Variants in PCBP3 observed in about 807,000 individuals in gnomAD.
PCBP3 encodes poly(rC)-binding protein 3.
PCBP3 carries 25 observed loss-of-function variants against 52.7 expected under a neutral mutation model. That is an observed-to-expected ratio of 0.47 (90% CI 0.35 to 0.66). The LOEUF (loss-of-function observed/expected upper bound fraction) is 0.66, where lower values mean the gene tolerates loss of function less well. Among genes scored for constraint, PCBP3 ranks in the 30% least tolerant of loss-of-function variants. PCBP3 has a pLI of 0.01. For synonymous variants in PCBP3, 162 were observed against 183.0 expected, an observed-to-expected ratio of 0.89 and a Z score of 0.93; for missense variants, 391 against 490.3, an observed-to-expected ratio of 0.80 and a Z score of 1.91.
intron 4 of PCBP3, among the ~76,000 whole-genome samples, chr21:45,794,793 G>C (rs958480798): frequency 3.3e-5 from 5 of 152,268 alleles, no homozygotes; most frequent in African/African-American, 1.2e-4. Context: ...GCCGGGCGTG[G>C]TGGCAGGTGC....
intron 3 of PCBP3, among the ~76,000 whole-genome samples, chr21:45,746,918 C>A (rs2086931981): frequency 9.2e-6 from 1 of 108,722 alleles, no homozygotes; most frequent in Admixed American, 9.1e-5. Flanking sequence ...GTTGTGTCAG[C>A]ATCGCCGTGT....
At chr21:45,887,132 A>G (rs1483984902) in intron 5 of PCBP3, among the ~76,000 whole-genome samples, 2 of 152,042 alleles carry the variant, frequency 1.3e-5, no homozygotes, top group Non-Finnish European at 2.9e-5. Flanking sequence ...AGTCTGAGAG[A>G]CATAGAGAAA....
At chr21:45,909,985 G>GGACCCCCCCACACACACTTCCCAGATACA in intron 10 of PCBP3, among the ~76,000 whole-genome samples, 1 of 67,620 alleles carries the variant, frequency 1.5e-5, no homozygotes, top group Non-Finnish European at 2.7e-5. Context: ...TCCCAGATAC[G>GGACCCCCCCACACACACTTCCCAGATACA]GACCCCCCTC....
chr21:45,923,472 C>T (rs1034788005), intron 13 of PCBP3, among the ~76,000 whole-genome samples: 12 of 152,220 alleles, frequency 7.9e-5, no homozygotes, highest in Non-Finnish European at 1.6e-4. Flanking sequence ...GCTTGGAACA[C>T]CGCACCCTCT....
At chr21:45,783,208 C>T (rs1036845098) in intron 4 of PCBP3, among the ~76,000 whole-genome samples, 12 of 152,076 alleles carry the variant, frequency 7.9e-5, no homozygotes, top group African/African-American at 1.9e-4. Context: ...ATTTACAATC[C>T]GTCACTAATG....
chr21:45,925,849 A>G (rs554661784), intron 13 of PCBP3, among the ~76,000 whole-genome samples: 1 of 152,390 alleles, frequency 6.6e-6, no homozygotes, highest in African/African-American at 2.4e-5. Flanking sequence ...ATAATTTGAC[A>G]GACATTATAG....
intron 2 of PCBP3, among the ~76,000 whole-genome samples, chr21:45,688,036 C>G (rs1230249033): frequency 6.6e-6 from 1 of 152,148 alleles, no homozygotes; most frequent in Non-Finnish European, 1.5e-5. Context: ...TGGTCAAAGA[C>G]ATTTCATAGT....
At chr21:45,682,285 C>G (rs565910595) in intron 2 of PCBP3, among the ~76,000 whole-genome samples, 71 of 152,294 alleles carry the variant, frequency 4.7e-4, no homozygotes, top group African/African-American at 1.2e-3. Context: ...CGCACGGTCT[C>G]TAGCTGGTCT....
intron 2 of PCBP3, among the ~76,000 whole-genome samples, chr21:45,701,061 G>A (rs189047800): frequency 2.3e-3 from 353 of 152,288 alleles, no homozygotes; most frequent in African/African-American, 7.6e-3. Flanking sequence ...GAGCAGAATC[G>A]CCTGGAGGGA....
intron 2 of PCBP3, among the ~76,000 whole-genome samples, chr21:45,725,384 C>A (rs925647978): frequency 6.6e-6 from 1 of 152,194 alleles, no homozygotes; most frequent in Non-Finnish European, 1.5e-5. Context: ...ATCTTAACTT[C>A]ATTCTGTGAT....
chr21:45,761,826 G>A (rs199548633), intron 4 of PCBP3: 1 of 152,452 alleles, frequency 6.6e-6, no homozygotes, highest in East Asian at 1.9e-4. Flanking sequence ...TGCCAGCCTT[G>A]ACCTGGAGCA....
intron 1 of PCBP3, among the ~76,000 whole-genome samples, chr21:45,658,943 C>A (rs1223409589): frequency 6.6e-6 from 1 of 151,432 alleles, no homozygotes; most frequent in African/African-American, 2.4e-5. Context: ...AATTTATTGG[C>A]CATCAGTTGT....
intron 4 of PCBP3, among the ~76,000 whole-genome samples, chr21:45,813,812 C>G (rs2092750533): frequency 6.6e-6 from 1 of 152,248 alleles, no homozygotes; most frequent in African/African-American, 2.4e-5. Context: ...CCCAATGTGT[C>G]TGCCATCTCT....
intron 3 of PCBP3, chr21:45,750,196 C>T (rs920993680): frequency 4.6e-5 from 7 of 152,314 alleles, no homozygotes; most frequent in Non-Finnish European, 8.8e-5. Context: ...TGTTTGGCTT[C>T]TCCCGACTTT....
At chr21:45,901,983 T>C (rs2096068200) in intron 9 of PCBP3, among the ~76,000 whole-genome samples, 1 of 152,154 alleles carries the variant, frequency 6.6e-6, no homozygotes, top group Non-Finnish European at 1.5e-5. Context: ...TATCCAAAGC[T>C]GGCCATGGTG....
At chr21:45,787,998 C>T (rs11700556) in intron 4 of PCBP3, among the ~76,000 whole-genome samples, 7,060 of 151,982 alleles carry the variant, frequency 0.046, 220 homozygotes, top group Non-Finnish European at 0.068. Context: ...GGGAGACCTA[C>T]GGGGGAAGAT....
intron 2 of PCBP3, among the ~76,000 whole-genome samples, chr21:45,717,716 A>G (rs2084322640): frequency 6.6e-6 from 1 of 152,006 alleles, no homozygotes; most frequent in African/African-American, 2.4e-5. Context: ...TTTTTTATAT[A>G]TTGTTAGATT....
intron 4 of PCBP3, among the ~76,000 whole-genome samples, chr21:45,834,280 G>A (rs1046771162): frequency 4.6e-5 from 7 of 152,258 alleles, no homozygotes; most frequent in African/African-American, 1.2e-4. Flanking sequence ...GTCGTGTCCT[G>A]TCACCAGCCG....
intron 9 of PCBP3, among the ~76,000 whole-genome samples, chr21:45,903,263 G>A (rs915838795): frequency 2.0e-5 from 3 of 152,090 alleles, no homozygotes; most frequent in South Asian, 2.1e-4. Flanking sequence ...TTTCTCCCTC[G>A]TGGCCAGGGT....
Sources: allele counts gnomAD v4.1 joint callset (sites outside exome capture counted in the v4.1 genomes callset), GRCh38; gene constraint gnomAD v4.1.1; transcripts MANE v1.5; gene names NCBI Gene and HGNC (gene_info 2026-07-23, HGNC 2026-07-21).